The following NWD1 variants were observed in gnomAD, a reference collection of about 807,000 sequenced individuals.
NWD1 encodes the protein NACHT and WD repeat domain containing 1.
Under a neutral mutation model 135.1 loss-of-function variants are expected in NWD1, and 129 were observed. The ratio of observed to expected loss-of-function variants is 0.96; its 90% CI spans 0.83 to 1.11. The LOEUF (loss-of-function observed/expected upper bound fraction) is 1.11, where lower values mean the gene tolerates loss of function less well. NWD1 is among the 50% of genes least tolerant of loss of function. NWD1 has a pLI of 0.00. For synonymous variants in NWD1, 773 were observed against 786.0 expected (o/e 0.98, Z 0.28); for missense variants, 1,740 against 1,851.3 (o/e 0.94, Z 1.10).
At chr19:16,812,977 G>C (rs1970971231) in intron 18 of NWD1, 1 of 676,252 alleles carries the variant, frequency 1.5e-6, no homozygotes, top group African/African-American at 1.8e-5. Context: ...CTTTTAGGAA[G>C]GTGTCTGCAG....
chr19:16,743,233 C>G (rs929200491), intron 4 of NWD1, among the ~76,000 whole-genome samples: 2 of 150,916 alleles, frequency 1.3e-5, no homozygotes, highest in African/African-American at 4.9e-5. Context: ...TCTTTAGAGA[C>G]AGGGTCTCAC....
At chr19:16,763,730 C>T (rs544076417) in intron 8 of NWD1, 98 bp from the exon 9 acceptor site, 2 of 803,644 alleles carry the variant, frequency 2.5e-6, no homozygotes, top group Admixed American at 3.6e-5. Flanking sequence ...CTCGTCCACT[C>T]CAGCACTGTC....
chr19:16,736,207 T>TC (rs1367087744), intron 3 of NWD1, among the ~76,000 whole-genome samples: 19 of 91,436 alleles, frequency 2.1e-4, no homozygotes, highest in East Asian at 2.5e-3. Flanking sequence ...CTTCCTTCCT[T>TC]CTTTCCTTCC....
intron 12 of NWD1, among the ~76,000 whole-genome samples, chr19:16,783,362 C>T (rs1448329299): frequency 2.0e-5 from 3 of 152,030 alleles, no homozygotes; most frequent in Non-Finnish European, 4.4e-5. Flanking sequence ...AGGTGGGGAA[C>T]GGTGGCTCAT....
At chr19:16,814,166 T>C (rs1971004761) in intron 18 of NWD1, among the ~76,000 whole-genome samples, 1 of 151,808 alleles carries the variant, frequency 6.6e-6, no homozygotes, top group African/African-American at 2.4e-5. Context: ...TCAAAAAAAA[T>C]GAGTTAACAT....
chr19:16,753,570 C>A (rs1032081217), intron 6 of NWD1, among the ~76,000 whole-genome samples: 8 of 152,184 alleles, frequency 5.3e-5, no homozygotes, highest in Admixed American at 4.6e-4. Flanking sequence ...CCCCATCCCC[C>A]CACAGGGGAC....
intron 6 of NWD1, among the ~76,000 whole-genome samples, chr19:16,754,201 C>T (rs953787970): frequency 2.0e-5 from 3 of 151,772 alleles, no homozygotes; most frequent in Admixed American, 6.6e-5. Flanking sequence ...TTCCATCCTT[C>T]CGTCCATTCT....
intron 12 of NWD1, 68 bp from the exon 13 acceptor site, chr19:16,788,914 C>A (rs1970147019): frequency 9.7e-7 from 1 of 1,030,194 alleles, no homozygotes; most frequent in Non-Finnish European, 1.5e-6. Flanking sequence ...AGCTGACAAG[C>A]ATTTTAATAG....
Position 16,797,828 on chromosome 19 carries a change from C to A in NWD1, c.3401C>A (p.Ala1134Asp). The change falls in exon 16 of 19, where the codon GCT becomes GAT. Residue 1134 changes from alanine to aspartate, a missense_variant. Transcript: ENST00000524140. ...GAACATGAAGACATGGTGGAGACGG[C>A]TGTTTTTGGTACTGAGAACAACCTG... Reference protein sequence around the residue: ...DLEHEDMVETAVFGTENNLII... With the variant: ...DLEHEDMVETDVFGTENNLII... The A allele has an allele frequency of 6.2e-7, 1 of 1,614,084 alleles. No individual in the cohort carries two copies. The highest frequency in any genetic ancestry group is 8.5e-7 in the Non-Finnish European group (1 of 1,179,958).
At chr19:16,794,425 C>T (rs767056392) in intron 14 of NWD1, 38 bp from the exon 15 acceptor site, 27 of 1,209,668 alleles carry the variant, frequency 2.2e-5, no homozygotes, top group Admixed American at 2.0e-4. Flanking sequence ...ACCCTTAACC[C>T]GTGGAAGTGC....
At chr19:16,803,810 A>T (rs911355809) in intron 17 of NWD1, among the ~76,000 whole-genome samples, 1 of 151,692 alleles carries the variant, frequency 6.6e-6, no homozygotes, top group Non-Finnish European at 1.5e-5. Flanking sequence ...CTGTAATCCC[A>T]GCTACTGGGG....
intron 11 of NWD1, among the ~76,000 whole-genome samples, chr19:16,778,491 C>A: frequency 2.0e-5 from 1 of 50,326 alleles, no homozygotes; most frequent in Non-Finnish European, 3.2e-5. Flanking sequence ...TCTTCTTCTT[C>A]TTCTTTTTTT....
rs1968456478 is a variant in NWD1 at position 16,749,346 on chromosome 19, AC to A, written c.707del (p.Pro236GlnfsTer16). The A allele has an allele frequency of 1.2e-6, 2 of 1,613,618 alleles. No individual in the cohort carries two copies. The highest frequency in any genetic ancestry group is 1.3e-5 in the African/African-American group (1 of 74,860). ...CTCAAAAGTCACATCACTGACATGC[AC>A]CCAGGGGTCCTCAAGACCCACCGCC... ...SSLKSHITDM[H>X]PGVLKTHRLP... is the part of the protein sequence containing the mutation. On this transcript the variant is annotated frameshift_variant, in exon 6 of 19. Transcript: ENST00000524140. LOFTEE classifies it high-confidence loss of function.
intron 14 of NWD1, among the ~76,000 whole-genome samples, chr19:16,793,252 G>T (rs1970307723): frequency 6.6e-6 from 1 of 151,810 alleles, no homozygotes; most frequent in Non-Finnish European, 1.5e-5. Context: ...TTTGTTTTTT[G>T]AGACAGGGTC....
In NWD1 at chr19:16,771,415, A is replaced by G. The variant is rs186649501; in HGVS notation, c.2411-1711A>G. Among the ~76,000 whole-genome samples the G allele has an allele frequency of 2.6e-3, 402 of 152,274 alleles. 4 individuals are homozygous for G. The highest frequency in any genetic ancestry group is 0.025 in the South Asian group (120 of 4,828). On this transcript the variant is annotated intron_variant, in intron 10 of 18. Coordinates refer to ENST00000524140, the MANE Select transcript of NWD1 (RefSeq NM_001007525.5). ...CGGTGAGCCGAGATCACGCCACCGC[A>G]CTCCAACTTGCACGACAGAGCAAGA...
intron 17 of NWD1, among the ~76,000 whole-genome samples, chr19:16,805,971 C>T (rs1011594399): frequency 2.6e-5 from 4 of 151,736 alleles, no homozygotes; most frequent in Non-Finnish European, 5.9e-5. Flanking sequence ...TGGGTTCAAG[C>T]GATTCTCCTG....
intron 14 of NWD1, among the ~76,000 whole-genome samples, chr19:16,792,543 G>A (rs1334846062): frequency 3.3e-5 from 5 of 152,080 alleles, no homozygotes; most frequent in South Asian, 2.1e-4. Flanking sequence ...TTAGCCGGGC[G>A]TGGTGGTGAG....
At chr19:16,769,972 G>T (rs773958477) in intron 10 of NWD1, among the ~76,000 whole-genome samples, 3 of 152,038 alleles carry the variant, frequency 2.0e-5, no homozygotes, top group Non-Finnish European at 4.4e-5. Context: ...CAAGTAGCTG[G>T]GACCACAGGT....
intron 12 of NWD1, among the ~76,000 whole-genome samples, chr19:16,786,661 C>T (rs1416487092): frequency 2.0e-5 from 3 of 152,052 alleles, no homozygotes; most frequent in African/African-American, 7.2e-5. Flanking sequence ...AGTTTCCTGC[C>T]TCAGCTTCCC....
Sources: gnomAD v4.1 joint callset for allele counts (sites outside exome capture counted in the v4.1 genomes callset) on GRCh38, gnomAD v4.1.1 for gene constraint, MANE v1.5 for transcripts, NCBI Gene and HGNC (gene_info 2026-07-23, HGNC 2026-07-21) for gene names.